KIAA1217: variants seen among roughly 807,000 people sequenced by gnomAD.
The protein encoded by KIAA1217 is sickle tail protein homolog.
KIAA1217 carries 88 observed loss-of-function variants against 163.9 expected under a neutral mutation model. That is an observed-to-expected ratio of 0.54 (90% CI 0.45 to 0.64). The LOEUF (loss-of-function observed/expected upper bound fraction) is 0.64. Among genes scored for constraint, KIAA1217 ranks in the 30% least tolerant of loss-of-function variants. KIAA1217 has a pLI of 0.00. For synonymous variants in KIAA1217, 903 were observed against 923.1 expected (o/e 0.98, Z 0.39); for missense variants, 2,372 against 2,475.0 (o/e 0.96, Z 0.88).
intron 1 of KIAA1217, among the ~76,000 whole-genome samples, chr10:23,940,050 T>C (rs77655686): frequency 2.0e-5 from 3 of 151,932 alleles, no homozygotes; most frequent in Non-Finnish European, 2.9e-5. Context: ...AAGAGGTTTA[T>C]TTTTTAATGA....
At position 23,736,791 on chromosome 10, in the gene KIAA1217, G is replaced by T. The variant is rs1387474319; in HGVS notation, c.-321+41557G>T. On this transcript the variant is annotated intron_variant, in intron 1 of 18. Coordinates refer to the KIAA1217 transcript ENST00000376462. ...TCCTTCTGCCTCAGCCTCCCAAAGT[G>T]CTGAGATTACAGGCATGGGCCACCG... Among the ~76,000 whole-genome samples the T allele has an allele frequency of 3.3e-5, 5 of 152,124 alleles. No individual in the cohort carries two copies. In the East Asian group the frequency reaches 9.7e-4, roughly 29 times the overall value.
intron 2 of KIAA1217, among the ~76,000 whole-genome samples, chr10:24,166,634 A>T (rs2065358309): frequency 6.6e-6 from 1 of 152,136 alleles, no homozygotes; most frequent in Non-Finnish European, 1.5e-5. Flanking sequence ...GTTACTTGGG[A>T]GGCTGAGGCA....
intron 3 of KIAA1217, among the ~76,000 whole-genome samples, chr10:24,429,510 C>CT (rs1318502720): frequency 5.9e-5 from 9 of 152,212 alleles, no homozygotes; most frequent in East Asian, 3.9e-4. Context: ...CTCTCAGTCT[C>CT]TTTTTTTCGG....
chr10:23,733,679 C>G (rs997564796), intron 1 of KIAA1217, among the ~76,000 whole-genome samples: 10 of 151,906 alleles, frequency 6.6e-5, no homozygotes, highest in Admixed American at 3.9e-4. Flanking sequence ...ATGCAGAAAC[C>G]GTGGGTATAG....
intron 2 of KIAA1217, among the ~76,000 whole-genome samples, chr10:24,165,300 G>C (rs773127580): frequency 2.3e-4 from 35 of 152,300 alleles, no homozygotes; most frequent in Admixed American, 1.0e-3. Flanking sequence ...GGAAGAAGTT[G>C]AATAGGAGCC....
chr10:24,491,023 A>G (rs2066046089), intron 6 of KIAA1217, among the ~76,000 whole-genome samples: 1 of 152,142 alleles, frequency 6.6e-6, no homozygotes, highest in South Asian at 2.1e-4. Flanking sequence ...GTCAGCCTTA[A>G]AGAAGAATAG....
At chr10:23,995,766 C>A (rs917586452) in intron 1 of KIAA1217, among the ~76,000 whole-genome samples, 2 of 152,122 alleles carry the variant, frequency 1.3e-5, no homozygotes, top group Non-Finnish European at 2.9e-5. Flanking sequence ...GCCTGCCTGC[C>A]TGATGTGTCT....
At chr10:24,193,288 A>C (rs1269589326) in intron 2 of KIAA1217, among the ~76,000 whole-genome samples, 1 of 152,200 alleles carries the variant, frequency 6.6e-6, no homozygotes, top group Non-Finnish European at 1.5e-5. Context: ...TAAAGATACA[A>C]ATCTTATAAC....
intron 2 of KIAA1217, among the ~76,000 whole-genome samples, chr10:24,314,380 C>A (rs2133118826): frequency 6.6e-6 from 1 of 152,236 alleles, no homozygotes; most frequent in East Asian, 1.9e-4. Context: ...GAAGAATAAC[C>A]CCTCAGCTCA....
intron 3 of KIAA1217, among the ~76,000 whole-genome samples, chr10:24,381,368 T>G (rs1442132319): frequency 6.6e-6 from 1 of 152,044 alleles, no homozygotes; most frequent in Non-Finnish European, 1.5e-5. Context: ...GAGTCCCCAG[T>G]CCCCAGGCCA....
intron 3 of KIAA1217, among the ~76,000 whole-genome samples, chr10:24,415,491 A>T (rs7916034): frequency 0.11 from 17,082 of 151,010 alleles, 2,355 homozygotes; most frequent in African/African-American, 0.33. Flanking sequence ...CTCTTGGGGA[A>T]AAAAAAAAGC....
At position 24,492,197 on chromosome 10, in the gene KIAA1217, C is replaced by T. The variant is rs141298575; in HGVS notation, c.1680-2303C>T. On this transcript the variant is annotated intron_variant, in intron 6 of 20. Transcript: ENST00000376454. ...CCCCCCATGTGGCAGGAAGAGTGAC[C>T]AACCACCACTCCCATTTTTTCTGAG... Among the ~76,000 whole-genome samples, 44 of 152,236 alleles carry T rather than the reference C, an allele frequency of 2.9e-4. 1 individual carries two copies. In the East Asian group the frequency reaches 7.5e-3, roughly 26 times the overall value.
rs544110711 is a variant in KIAA1217, at chr10:23,860,562, G to T, written c.-320-146663G>T. Reference sequence around the variant, plus strand: ...AAAACAGACTTTGGAGTTAGGAATTGTTATTCTAACTCATTTCTTTCTTCC... The same window carrying T: ...AAAACAGACTTTGGAGTTAGGAATTTTTATTCTAACTCATTTCTTTCTTCC... On this transcript the variant is annotated intron_variant, in intron 1 of 18. Transcript: ENST00000376462. 2.5e-3 allele frequency among the ~76,000 whole-genome samples: 388 copies of T among 152,222 alleles called. 2 individuals are homozygous for T. The highest frequency in any genetic ancestry group is 3.7e-3 in the Non-Finnish European group (249 of 67,990).
intron 2 of KIAA1217, among the ~76,000 whole-genome samples, chr10:24,364,148 T>C (rs1326613414): frequency 6.6e-6 from 1 of 152,028 alleles, no homozygotes; most frequent in East Asian, 1.9e-4. Flanking sequence ...CCAGCTAATT[T>C]TTGTATTTTT....
Position 24,032,343 on chromosome 10 carries a change from T to C in KIAA1217, c.-171+24969T>C, listed in dbSNP as rs115520394. The stretch of plus-strand genomic sequence containing the variant: ...GGTGCAATCATGGCCCACTGCAACC[T>C]CGGCCTCCTAGGTGCAAGCATTCTT... On this transcript the variant is annotated intron_variant, in intron 2 of 18. Coordinates refer to the KIAA1217 transcript ENST00000376462. Among the ~76,000 whole-genome samples the C allele has an allele frequency of 2.0e-3, 304 of 151,638 alleles. 3 individuals are homozygous for C. Among genetic ancestry groups the C allele is most frequent in the African/African-American group, 6.9e-3 (282 of 40,968 alleles).
At chr10:23,889,839 C>T (rs1486287838) in intron 1 of KIAA1217, among the ~76,000 whole-genome samples, 1 of 151,670 alleles carries the variant, frequency 6.6e-6, no homozygotes. Context: ...TTGCATTATT[C>T]AACATTGCTA....
chr10:23,803,084 C>T (rs1001763708), intron 1 of KIAA1217, among the ~76,000 whole-genome samples: 1 of 152,160 alleles, frequency 6.6e-6, no homozygotes, highest in Non-Finnish European at 1.5e-5. Context: ...TCAGATTTCT[C>T]TACAAGGTGA....
intron 2 of KIAA1217, among the ~76,000 whole-genome samples, chr10:24,076,772 G>A (rs2061380320): frequency 1.3e-5 from 2 of 152,020 alleles, no homozygotes; most frequent in African/African-American, 2.4e-5. Context: ...AGAAAAACAG[G>A]TACAGATGCA....
intron 1 of KIAA1217, among the ~76,000 whole-genome samples, chr10:23,855,287 T>C (rs564195826): frequency 2.6e-5 from 4 of 152,282 alleles, no homozygotes; most frequent in African/African-American, 9.6e-5. Flanking sequence ...TTAGTTTGGG[T>C]GGATATGAAA....
Sources: allele counts gnomAD v4.1 joint callset (sites outside exome capture counted in the v4.1 genomes callset), GRCh38; gene constraint gnomAD v4.1.1; transcripts MANE v1.5; gene names NCBI Gene and HGNC (gene_info 2026-07-23, HGNC 2026-07-21).